Variants in NR5A2 observed in about 807,000 individuals in gnomAD.
The protein encoded by NR5A2 is nuclear receptor subfamily 5 group A member 2.
A neutral mutation model predicts 62.7 loss-of-function variants in NR5A2; 26 were observed. The observed-to-expected ratio is 0.41, with a 90% CI of 0.30 to 0.58. The LOEUF (loss-of-function observed/expected upper bound fraction) is 0.58, where lower values mean the gene tolerates loss of function less well. Ranked by LOEUF, NR5A2 falls within the 20% of genes least tolerant of loss-of-function variation. NR5A2 has a pLI of 0.22. For synonymous variants in NR5A2, 246 were observed against 241.7 expected (o/e 1.02, Z -0.16); for missense variants, 541 against 669.1 (o/e 0.81, Z 2.11).
intron 7 of NR5A2, among the ~76,000 whole-genome samples, chr1:200,144,794 C>T (rs1667612472): frequency 6.6e-6 from 1 of 152,124 alleles, no homozygotes; most frequent in Non-Finnish European, 1.5e-5. Context: ...GAAATTTGCT[C>T]ATTTTACAGA....
intron 1 of NR5A2, among the ~76,000 whole-genome samples, chr1:200,033,938 A>G (rs1558093439): frequency 1.3e-5 from 2 of 152,142 alleles, no homozygotes; most frequent in Non-Finnish European, 1.5e-5. Context: ...TTTGACCTTA[A>G]GAATCAGAAG....
At chr1:200,065,889 G>C (rs1663443964) in intron 5 of NR5A2, among the ~76,000 whole-genome samples, 1 of 152,146 alleles carries the variant, frequency 6.6e-6, no homozygotes, top group Admixed American at 6.5e-5. Context: ...GTAGAAGCTA[G>C]CTTAATATTT....
intron 1 of NR5A2, among the ~76,000 whole-genome samples, chr1:200,031,304 G>C (rs2102132010): frequency 6.6e-6 from 1 of 152,234 alleles, no homozygotes; most frequent in South Asian, 2.1e-4. Context: ...AGGAGATCCA[G>C]ACCAGCCTAG....
chr1:200,107,035 C>T (rs988399683), intron 5 of NR5A2, among the ~76,000 whole-genome samples: 1 of 151,872 alleles, frequency 6.6e-6, no homozygotes, highest in Non-Finnish European at 1.5e-5. Flanking sequence ...GTGGCGGGGG[C>T]GGCGTTGGGT....
Position 200,174,509 on chromosome 1 carries a change from G to T in NR5A2, c.*299G>T. 4.8e-6 allele frequency: 1 copy of T among 208,504 alleles called. No individual in the cohort carries two copies. The highest frequency in any genetic ancestry group is 9.5e-6 in the Non-Finnish European group (1 of 105,808). The allele number at this position is 208,504 out of a possible 1,614,324, so 12.9% of individuals were successfully genotyped here. On this transcript the variant is annotated 3_prime_UTR_variant, in exon 8 of 8. Coordinates refer to ENST00000367362, the MANE Select transcript of NR5A2 (RefSeq NM_205860.3). The stretch of plus-strand genomic sequence containing the variant: ...GAACTCACAGATGGATACCAACACG[G>T]TCAGAAGAAAAACGGACAGAACGGT...
At chr1:200,095,318 C>G (rs188722688) in intron 5 of NR5A2, among the ~76,000 whole-genome samples, 1 of 152,034 alleles carries the variant, frequency 6.6e-6, no homozygotes, top group Non-Finnish European at 1.5e-5. Flanking sequence ...CAATGAGATG[C>G]CCAGAGTCCT....
At chr1:200,061,900 G>C (rs1342989104) in intron 5 of NR5A2, among the ~76,000 whole-genome samples, 3 of 152,088 alleles carry the variant, frequency 2.0e-5, no homozygotes, top group Non-Finnish European at 4.4e-5. Context: ...TGAGAGAGCA[G>C]GATAATTACT....
intron 7 of NR5A2, among the ~76,000 whole-genome samples, chr1:200,135,611 A>G (rs968023931): frequency 6.6e-6 from 1 of 152,048 alleles, no homozygotes. Context: ...TATTGAGGTG[A>G]TATGGCCTAA....
chr1:200,032,681 A>C (rs917230914), intron 1 of NR5A2, among the ~76,000 whole-genome samples: 28 of 152,288 alleles, frequency 1.8e-4, no homozygotes, highest in African/African-American at 6.7e-4. Flanking sequence ...ATATATATAT[A>C]TCCAGCGTAA....
At chr1:200,131,257 C>T (rs1666959140) in intron 7 of NR5A2, among the ~76,000 whole-genome samples, 1 of 151,876 alleles carries the variant, frequency 6.6e-6, no homozygotes, top group African/African-American at 2.4e-5. Flanking sequence ...TTCCAGTGAG[C>T]AAAGCAGTTT....
chr1:200,102,021 G>A (rs1449462204), intron 5 of NR5A2, among the ~76,000 whole-genome samples: 1 of 152,102 alleles, frequency 6.6e-6, no homozygotes, highest in African/African-American at 2.4e-5. Flanking sequence ...CCTCAAAGAT[G>A]TCACTCACTT....
intron 1 of NR5A2, among the ~76,000 whole-genome samples, chr1:200,028,497 C>A (rs1272716747): frequency 2.7e-5 from 4 of 150,098 alleles, no homozygotes; most frequent in African/African-American, 4.9e-5. Context: ...CTGTTTCTCG[C>A]AACAATTAGT....
chr1:200,060,697 C>A (rs1455930518), intron 5 of NR5A2, among the ~76,000 whole-genome samples: 6 of 152,210 alleles, frequency 3.9e-5, no homozygotes, highest in Non-Finnish European at 5.9e-5. Context: ...TCACCTTTAA[C>A]TTCCTCCTTG....
At chr1:200,143,170 C>G (rs1667522969) in intron 7 of NR5A2, among the ~76,000 whole-genome samples, 1 of 152,134 alleles carries the variant, frequency 6.6e-6, no homozygotes. Flanking sequence ...ACACACTGTG[C>G]TCACTCCTCT....
intron 7 of NR5A2, among the ~76,000 whole-genome samples, chr1:200,140,964 G>A (rs1558163602): frequency 6.6e-6 from 1 of 152,144 alleles, no homozygotes; most frequent in Non-Finnish European, 1.5e-5. Context: ...CTGGGAGGTG[G>A]AGGTTGCAGT....
At chr1:200,087,770 G>T (rs527698404) in intron 5 of NR5A2, among the ~76,000 whole-genome samples, 5 of 150,094 alleles carry the variant, frequency 3.3e-5, no homozygotes, top group Admixed American at 2.0e-4. Flanking sequence ...TATATTTTTT[G>T]AGATAGAGTC....
intron 7 of NR5A2, among the ~76,000 whole-genome samples, chr1:200,170,483 C>G (rs1256867304): frequency 6.6e-6 from 1 of 152,206 alleles, no homozygotes; most frequent in Non-Finnish European, 1.5e-5. Flanking sequence ...AAGTGAACCA[C>G]ATAAATGAGT....
intron 2 of NR5A2, chr1:200,043,084 G>T: frequency 1.2e-6 from 1 of 805,436 alleles, no homozygotes; most frequent in African/African-American, 1.9e-5. Flanking sequence ...CCCCGTACGG[G>T]CGTCCTCTAT....
At chr1:200,052,775 G>A (rs1480720973) in intron 5 of NR5A2, among the ~76,000 whole-genome samples, 2 of 151,874 alleles carry the variant, frequency 1.3e-5, no homozygotes, top group East Asian at 3.9e-4. Context: ...CTGAGTAGCT[G>A]GGACTACAGG....
Sources: allele counts gnomAD v4.1 joint callset (sites outside exome capture counted in the v4.1 genomes callset), GRCh38; gene constraint gnomAD v4.1.1; transcripts MANE v1.5; gene names NCBI Gene and HGNC (gene_info 2026-07-23, HGNC 2026-07-21).